The following SEMA6D variants were observed in gnomAD, a reference collection of about 807,000 sequenced individuals.
SEMA6D encodes the protein semaphorin 6D.
A neutral mutation model predicts 106.6 loss-of-function variants in SEMA6D; 35 were observed. The ratio of observed to expected loss-of-function variants is 0.33; its 90% CI spans 0.25 to 0.44. SEMA6D has a LOEUF of 0.44. SEMA6D is among the 20% of genes least tolerant of loss of function. The probability of loss-of-function intolerance (pLI) is 1.00; values close to 1 mark genes in which losing one functional copy is unlikely to be tolerated. For synonymous variants in SEMA6D, 499 were observed against 487.7 expected (o/e 1.02, Z -0.31); for missense variants, 1,185 against 1,345.9 (o/e 0.88, Z 1.87).
intron 3 of SEMA6D, among the ~76,000 whole-genome samples, chr15:47,538,162 A>G (rs575043522): frequency 1.3e-5 from 2 of 152,222 alleles, no homozygotes; most frequent in Non-Finnish European, 2.9e-5. Flanking sequence ...CTCAAAAACT[A>G]TAGTAATTTG....
chr15:47,602,170 C>A (rs548321022), intron 4 of SEMA6D, among the ~76,000 whole-genome samples: 4 of 152,278 alleles, frequency 2.6e-5, no homozygotes, highest in African/African-American at 9.6e-5. Flanking sequence ...ATAATTCTTA[C>A]AATTCTATAC....
At chr15:47,244,327 T>C (rs1168896599) in intron 1 of SEMA6D, among the ~76,000 whole-genome samples, 1 of 152,202 alleles carries the variant, frequency 6.6e-6, no homozygotes, top group African/African-American at 2.4e-5. Flanking sequence ...TATGAGTCTC[T>C]GTTTCATCAT....
intron 1 of SEMA6D, among the ~76,000 whole-genome samples, chr15:47,224,290 T>C (rs2031466323): frequency 6.6e-6 from 1 of 152,114 alleles, no homozygotes; most frequent in Admixed American, 6.6e-5. Context: ...GTTATGTCTT[T>C]GGTGAATCCA....
intron 1 of SEMA6D, among the ~76,000 whole-genome samples, chr15:47,277,910 A>G (rs1474146667): frequency 6.0e-5 from 9 of 150,982 alleles, no homozygotes; most frequent in East Asian, 1.9e-4. Flanking sequence ...ATGATTTCCA[A>G]TTTCATCCAT....
At chr15:47,278,182 T>C (rs973194510) in intron 1 of SEMA6D, among the ~76,000 whole-genome samples, 3,513 of 152,118 alleles carry the variant, frequency 0.023, 89 homozygotes, top group Non-Finnish European at 0.03. Flanking sequence ...CCTGAGGAAT[T>C]GCCACACTGA....
At chr15:47,455,964 G>A (rs575568661) in intron 2 of SEMA6D, among the ~76,000 whole-genome samples, 4 of 151,996 alleles carry the variant, frequency 2.6e-5, no homozygotes, top group Non-Finnish European at 4.4e-5. Flanking sequence ...CCCCCTCCAA[G>A]ATGGTTCCAC....
intron 1 of SEMA6D, among the ~76,000 whole-genome samples, chr15:47,297,428 G>A (rs970031514): frequency 6.6e-6 from 1 of 151,970 alleles, no homozygotes; most frequent in South Asian, 2.1e-4. Context: ...CTCTCACTGT[G>A]ATCTGTGTGA....
rs961232275 is a variant in SEMA6D, at chr15:47,711,213, G to A, written c.-54-48532G>A. On this transcript the variant is annotated intron_variant, in intron 4 of 19. Transcript: ENST00000558014. ...TAGTCCCAGCTACTTGGGAGGCTGA[G>A]GCAGGAGAATGGCGTGAACCCGGGA... Among the ~76,000 whole-genome samples, 113 of 149,160 alleles carry A rather than the reference G, an allele frequency of 7.6e-4. 1 individual carries two copies. The highest frequency in any genetic ancestry group is 2.7e-3 in the African/African-American group (109 of 40,628).
chr15:47,505,972 G>C (rs934392019), intron 3 of SEMA6D, among the ~76,000 whole-genome samples: 12 of 151,518 alleles, frequency 7.9e-5, no homozygotes, highest in Non-Finnish European at 1.0e-4. Flanking sequence ...GAGAAGTCAG[G>C]GGGTGGAGGT....
At chr15:47,577,680 T>C (rs1050266092) in intron 3 of SEMA6D, among the ~76,000 whole-genome samples, 13 of 152,264 alleles carry the variant, frequency 8.5e-5, no homozygotes, top group African/African-American at 3.1e-4. Context: ...TGGACAGTGA[T>C]TGAGGAATGA....
At chr15:47,207,929 A>G (rs1459769620) in intron 1 of SEMA6D, among the ~76,000 whole-genome samples, 1 of 151,274 alleles carries the variant, frequency 6.6e-6, no homozygotes, top group Non-Finnish European at 1.5e-5. Context: ...TCAACATCAG[A>G]GGTACCAATA....
At chr15:47,454,616 C>T (rs1410392834) in intron 2 of SEMA6D, among the ~76,000 whole-genome samples, 1 of 151,686 alleles carries the variant, frequency 6.6e-6, no homozygotes, top group African/African-American at 2.4e-5. Flanking sequence ...CACACACACA[C>T]ACACACACAC....
chr15:47,368,014 T>G (rs914035449), intron 1 of SEMA6D, among the ~76,000 whole-genome samples: 3 of 152,152 alleles, frequency 2.0e-5, no homozygotes, highest in Non-Finnish European at 4.4e-5. Flanking sequence ...GAACATAATG[T>G]TTGAGTCCAA....
chr15:47,586,016 G>C (rs1165257300), intron 3 of SEMA6D, among the ~76,000 whole-genome samples: 1 of 152,074 alleles, frequency 6.6e-6, no homozygotes, highest in Admixed American at 6.5e-5. Context: ...AGACCACTGT[G>C]GTTCCTTCAA....
chr15:47,504,911 T>C (rs1171627363), intron 3 of SEMA6D, among the ~76,000 whole-genome samples: 2 of 152,072 alleles, frequency 1.3e-5, no homozygotes, highest in Non-Finnish European at 2.9e-5. Context: ...ATTCCCTTCC[T>C]TCCTTCTGTG....
At chr15:47,682,292 C>G (rs192924849) in intron 4 of SEMA6D, among the ~76,000 whole-genome samples, 10 of 152,144 alleles carry the variant, frequency 6.6e-5, no homozygotes, top group African/African-American at 2.4e-4. Flanking sequence ...CTCAGCCTCC[C>G]GAGTAGCTGG....
intron 1 of SEMA6D, among the ~76,000 whole-genome samples, chr15:47,727,879 G>GCAC (rs2079864421): frequency 5.3e-5 from 8 of 152,340 alleles, no homozygotes; most frequent in African/African-American, 1.9e-4. Flanking sequence ...GGTCAGGATG[G>GCAC]AATTTTTTCC....
At chr15:47,270,694 T>TA (rs926363967) in intron 1 of SEMA6D, among the ~76,000 whole-genome samples, 43 of 152,164 alleles carry the variant, frequency 2.8e-4, no homozygotes, top group African/African-American at 1.0e-3. Context: ...CCCATCGTTT[T>TA]AAAAAATATA....
In SEMA6D at chr15:47,689,648, G is replaced by T. The variant is rs561432788; in HGVS notation, c.-54-70097G>T. The stretch of plus-strand genomic sequence containing the variant: ...ACAAAGAGCCCCAGACAACCTAAAG[G>T]CTCTAACAAGGAGAGAGACTGGTCT... On this transcript the variant is annotated intron_variant, in intron 4 of 19. Coordinates refer to the SEMA6D transcript ENST00000558014. 3.9e-5 allele frequency among the ~76,000 whole-genome samples: 6 copies of T among 152,286 alleles called. No homozygotes were observed. In the East Asian group the frequency reaches 9.7e-4, roughly 25 times the overall value.
Sources: allele counts gnomAD v4.1 joint callset (sites outside exome capture counted in the v4.1 genomes callset), GRCh38; gene constraint gnomAD v4.1.1; transcripts MANE v1.5; gene names NCBI Gene and HGNC (gene_info 2026-07-23, HGNC 2026-07-21).